RPS19BP1: variants seen among roughly 807,000 people sequenced by gnomAD.
The protein encoded by RPS19BP1 is ribosomal protein S19 binding protein 1, also known as active regulator of SIRT1.
RPS19BP1 carries 14 observed loss-of-function variants against 16.6 expected under a neutral mutation model. That is an observed-to-expected ratio of 0.84 (90% CI 0.56 to 1.32). RPS19BP1 has a LOEUF of 1.32. Ranked by LOEUF, RPS19BP1 falls within the 40% of genes most tolerant of loss-of-function variation. The pLI is 0.00. For missense variants in RPS19BP1, 188 were observed against 178.6 expected, an observed-to-expected ratio of 1.05 and a Z score of -0.30; for synonymous variants, 90 against 77.3, an observed-to-expected ratio of 1.16 and a Z score of -0.86.
Position 39,529,137 on chromosome 22 carries a change from C to G in RPS19BP1, c.*355G>C. 7.0e-6 allele frequency: 2 copies of G among 286,764 alleles called. No individual in the cohort carries two copies. Among genetic ancestry groups the G allele is most frequent in the East Asian group, 2.1e-4 (2 of 9,430 alleles). The allele number at this position is 286,764 out of a possible 1,614,324, so 17.8% of individuals were successfully genotyped here. ...GTAACTTGGAAGCCCACCCTTCTTC[C>G]TACTCCTGGAGCTGTCGTCCCCAAG... is the stretch of plus-strand genomic sequence containing the variant. On this transcript the variant is annotated 3_prime_UTR_variant, in exon 4 of 4. Coordinates refer to ENST00000334678, the MANE Select transcript of RPS19BP1 (RefSeq NM_194326.4).
In RPS19BP1 at chr22:39,529,528, G is replaced by C; in HGVS notation, c.375C>G (p.Asp125Glu). The C allele has an allele frequency of 5.6e-6, 9 of 1,614,234 alleles. No individual in the cohort carries two copies. The highest frequency in any genetic ancestry group is 7.6e-6 in the Non-Finnish European group (9 of 1,180,018). Residue 125 changes from aspartate (D) to glutamate (E), a missense_variant, in exon 4 of 4, where the codon GAC (aspartate) becomes GAG (glutamate). By Grantham distance (45) the Asp-to-Glu change is conservative. Transcript: ENST00000334678. Reference protein sequence around the residue: ...KAEGTVFTEEDFQKFQQEYFG... With the variant: ...KAEGTVFTEEEFQKFQQEYFG... The stretch of plus-strand genomic sequence containing the variant: ...AGTATTCCTGCTGGAACTTCTGGAA[G>C]TCTTCCTCGGTGAACACGGTGCCCT...
intron 1 of RPS19BP1, 77 bp downstream of exon 1, chr22:39,532,610 T>C: frequency 1.2e-6 from 2 of 1,605,518 alleles, no homozygotes; most frequent in Non-Finnish European, 1.7e-6. Context: ...CTGGATTGTT[T>C]TCCATCCAGG....
chr22:39,532,620 G>A, intron 1 of RPS19BP1, 67 bp downstream of exon 1: 1 of 1,599,988 alleles, frequency 6.3e-7, no homozygotes, highest in Non-Finnish European at 8.5e-7. Context: ...TTCCATCCAG[G>A]GCTCCCGCCC....
Position 39,529,466 on chromosome 22 carries a change from C to A in RPS19BP1, c.*26G>T. On this transcript the variant is annotated 3_prime_UTR_variant, in exon 4 of 4. Transcript: ENST00000334678. ...AGTCGGAGGCTGCAGGGCTTGAAGG[C>A]CTCTTCACCGTGCCCTCCAGGGAGC... 6.2e-7 allele frequency: 1 copy of A among 1,613,300 alleles called. No individual in the cohort carries two copies. The highest frequency in any genetic ancestry group is 1.1e-5 in the South Asian group (1 of 90,860).
rs898853116 is a variant in RPS19BP1 at position 39,532,718 on chromosome 22, C to G, written c.21G>C (p.Arg7=). Residue 7 remains arginine, a synonymous_variant, in exon 1 of 4, where the codon CGG becomes CGC. Transcript: ENST00000334678. MSAALL[R]RGLELLAASE... ...ACGCCGCCAGCAGCTCCAGGCCCCG[C>G]CGCAGCAGGGCGGCGGACATGGCGG... The G allele has an allele frequency of 6.5e-7, 1 of 1,544,692 alleles. No homozygotes were observed. Among genetic ancestry groups the G allele is most frequent in the African/African-American group, 1.4e-5 (1 of 73,080 alleles).
Position 39,529,615 on chromosome 22 carries a change from G to T in RPS19BP1, c.288C>A (p.Arg96=). Reference sequence around the variant, plus strand: ...CACAGGCCTTGCGGCCCCGGTTCTGGCGCAAAATCTGGCGAGGGTGCGGGA... The same window carrying T: ...CACAGGCCTTGCGGCCCCGGTTCTGTCGCAAAATCTGGCGAGGGTGCGGGA... ...VAESVSQQIL[R]QNRGRKACDR... is the part of the protein sequence containing the mutation. Residue 96 remains arginine (R), a synonymous_variant, in exon 4 of 4, where the codon CGC becomes CGA. Transcript: ENST00000334678. The T allele has an allele frequency of 6.2e-7, 1 of 1,614,008 alleles. No homozygotes were observed. The highest frequency in any genetic ancestry group is 8.5e-7 in the Non-Finnish European group (1 of 1,180,008).
At chr22:39,532,058 C>T (rs1284431046) in intron 2 of RPS19BP1, 4 of 307,800 alleles carry the variant, frequency 1.3e-5, no homozygotes, top group Admixed American at 5.0e-5. Flanking sequence ...CTTCAGCTCT[C>T]GGCTGAAATG....
intron 1 of RPS19BP1, 36 bp downstream of exon 1, chr22:39,532,651 G>A (rs764271711): frequency 3.2e-6 from 5 of 1,572,752 alleles, no homozygotes; most frequent in South Asian, 1.1e-5. Flanking sequence ...CCATCCTCCT[G>A]CCCGCGCCGG....
At position 39,532,703 on chromosome 22, in the gene RPS19BP1, C is replaced by T. The variant is rs1257222277; in HGVS notation, c.36G>A (p.Leu12=). ...SAALLRRGLE[L]LAASEAPRDP... is the part of the protein sequence containing the mutation. The stretch of plus-strand genomic sequence containing the variant: ...CCTCCTCACCCTCGGACGCCGCCAG[C>T]AGCTCCAGGCCCCGCCGCAGCAGGG... The change falls in exon 1 of 4, where the codon CTG becomes CTA. Residue 12 remains leucine, a synonymous_variant. Transcript: ENST00000334678. The T allele has an allele frequency of 1.3e-6, 2 of 1,543,732 alleles. No individual in the cohort carries two copies. Among genetic ancestry groups the T allele is most frequent in the South Asian group, 1.2e-5 (1 of 84,800 alleles).
chr22:39,532,628 C>T (rs1292308818), intron 1 of RPS19BP1, 59 bp downstream of exon 1: 9 of 1,593,078 alleles, frequency 5.6e-6, no homozygotes, highest in African/African-American at 4.0e-5. Context: ...AGGGCTCCCG[C>T]CCGCAGCCAC....
At chr22:39,532,642 C>A (rs893094282) in intron 1 of RPS19BP1, 45 bp downstream of exon 1, 1 of 1,583,586 alleles carries the variant, frequency 6.3e-7, no homozygotes, top group Non-Finnish European at 8.6e-7. Context: ...CAGCCACTAC[C>A]ATCCTCCTGC....
In RPS19BP1 at chr22:39,529,441, A is replaced by T. The variant is rs1373612957; in HGVS notation, c.*51T>A. ...ACGGCCGGTTCCTGGAGCCAGCAGG[A>T]GTCGGAGGCTGCAGGGCTTGAAGGC... On this transcript the variant is annotated 3_prime_UTR_variant, in exon 4 of 4. Coordinates refer to ENST00000334678, the MANE Select transcript of RPS19BP1 (RefSeq NM_194326.4). 1.9e-6 allele frequency: 3 copies of T among 1,606,342 alleles called. No individual in the cohort carries two copies. Among genetic ancestry groups the T allele is most frequent in the Non-Finnish European group, 2.5e-6 (3 of 1,176,710 alleles).
intron 2 of RPS19BP1, chr22:39,530,121 A>G (rs1443831880): frequency 3.4e-6 from 2 of 593,728 alleles, no homozygotes; most frequent in Non-Finnish European, 6.0e-6. Context: ...TTTTCCAACA[A>G]TTATGTCCTG....
chr22:39,529,909 G>A lies in RPS19BP1; in HGVS notation c.190C>T (p.Arg64Trp), dbSNP rs1268081304. ...AGGTGGTCTCGACACTCTCGCTTCC[G>A]GTACTCGTCTGTGGGTAGCAGGCAG... ...KVPKSALDEY[R>W]KRECRDHLRV... Residue 64 changes from arginine to tryptophan, a missense_variant, in exon 3 of 4, where the codon CGG becomes TGG. Coordinates refer to ENST00000334678, the MANE Select transcript of RPS19BP1 (RefSeq NM_194326.4). The A allele has an allele frequency of 8.1e-6, 13 of 1,613,930 alleles. No homozygotes were observed. Among genetic ancestry groups the A allele is most frequent in the African/African-American group, 1.3e-5 (1 of 75,032 alleles).
intron 2 of RPS19BP1, chr22:39,532,147 A>G: frequency 2.0e-6 from 1 of 512,076 alleles, no homozygotes; most frequent in Non-Finnish European, 3.5e-6. Flanking sequence ...GCTTCAATGC[A>G]CTTAGCAATG....
At chr22:39,530,662 G>A (rs112662095) in intron 2 of RPS19BP1, 4,147 of 178,778 alleles carry the variant, frequency 0.023, 198 homozygotes, top group African/African-American at 0.095. Context: ...GAGGCTAGAG[G>A]TTGGAGTGAG....
chr22:39,530,098 GC>G lies in RPS19BP1; in HGVS notation c.182-182del, dbSNP rs948040014. On this transcript the variant is annotated intron_variant, in intron 2 of 3. Coordinates refer to ENST00000334678, the MANE Select transcript of RPS19BP1 (RefSeq NM_194326.4). Reference sequence around the variant, plus strand: ...TCCTGCTGAAAGCCCCAGGCTCTTGGCCCCCACCCCCATTTTCCAACAATTA... The same window carrying G: ...TCCTGCTGAAAGCCCCAGGCTCTTGGCCCCACCCCCATTTTCCAACAATTA... 6.6e-6 allele frequency: 4 copies of G among 607,602 alleles called. No homozygotes were observed. The Admixed American group carries it at 8.7e-5, about 13-fold the overall frequency. The allele number at this position is 607,602 out of a possible 1,614,324, so 37.6% of individuals were successfully genotyped here.
chr22:39,532,206 T>C (rs1340398155), intron 2 of RPS19BP1, 189 bp downstream of exon 2: 3 of 679,506 alleles, frequency 4.4e-6, no homozygotes, highest in African/African-American at 3.6e-5. Context: ...ACTAGGGCCG[T>C]AGTCCACGAG....
rs376507232 is a variant in RPS19BP1, at chr22:39,532,380, C to T, written c.181+15G>A. 2.2e-5 allele frequency: 36 copies of T among 1,614,114 alleles called. No homozygotes were observed. In the African/African-American group the frequency reaches 4.4e-4, roughly 20 times the overall value. ...AGCACCGGAGGCAGCACTTTCAGCC[C>T]CTTCCCGAACTTACCCAGTGCCGAC... On this transcript the variant is annotated intron_variant, in intron 2 of 3. Transcript: ENST00000334678.
Sources: allele counts gnomAD v4.1 joint callset, GRCh38; gene constraint gnomAD v4.1.1; transcripts MANE v1.5; gene names NCBI Gene and HGNC (gene_info 2026-07-23, HGNC 2026-07-21).